The following SNX29 variants were observed in gnomAD, a reference collection of about 807,000 sequenced individuals.
The protein encoded by SNX29 is sorting nexin-29.
A neutral mutation model predicts 102.1 loss-of-function variants in SNX29; 78 were observed. The ratio of observed to expected loss-of-function variants is 0.76; its 90% CI spans 0.64 to 0.92. The LOEUF is 0.92. Ranked by LOEUF, SNX29 falls within the 40% of genes least tolerant of loss-of-function variation. SNX29 has a pLI of 0.00. For missense variants in SNX29, 1,280 were observed against 1,061.7 expected (o/e 1.21, Z -2.86); for synonymous variants, 580 against 414.5 (o/e 1.40, Z -4.85).
chr16:12,569,998 G>A lies in SNX29; in HGVS notation c.*1369G>A, dbSNP rs983286613. ...TGTCCTGGAACTGCTTCAACTCAGT[G>A]GCTTAAAATGAGAACTGCCCAGGTG... On this transcript the variant is annotated 3_prime_UTR_variant, in exon 21 of 21. Coordinates refer to ENST00000566228, the MANE Select transcript of SNX29 (RefSeq NM_032167.5). The A allele has an allele frequency of 3.4e-5, 9 of 267,160 alleles. No individual in the cohort carries two copies. The highest frequency in any genetic ancestry group is 1.8e-4 in the East Asian group (3 of 16,650). 16.5% of individuals were successfully genotyped at this position (267,160 alleles called of 1,614,324 possible).
At chr16:12,121,934 A>G (rs350203) in intron 11 of SNX29, among the ~76,000 whole-genome samples, 102,952 of 151,696 alleles carry the variant, frequency 0.68, 35,920 homozygotes, top group East Asian at 0.91. Flanking sequence ...TCCTGCCTCA[A>G]CCTCCCGAGT....
chr16:12,466,675 C>T (rs901766339), intron 18 of SNX29, among the ~76,000 whole-genome samples: 1 of 152,164 alleles, frequency 6.6e-6, no homozygotes, highest in African/African-American at 2.4e-5. Flanking sequence ...CAGCCATGAA[C>T]CAAAGCATGG....
At position 12,537,772 on chromosome 16, in the gene SNX29, CAAA is replaced by C. The variant is rs201910902; in HGVS notation, c.2318+12937_2318+12939del. ...CTATCCTATGTGGGGTTTGTTTAAA[CAAA>C]AAAAAGTAATAAAATATCTCCTATA... is the stretch of plus-strand genomic sequence containing the variant. On this transcript the variant is annotated intron_variant, in intron 20 of 20. Coordinates refer to ENST00000566228, the MANE Select transcript of SNX29 (RefSeq NM_032167.5). 1.8e-4 allele frequency among the ~76,000 whole-genome samples: 27 copies of C among 151,380 alleles called. No individual in the cohort carries two copies. The South Asian group carries it at 2.1e-3, about 12-fold the overall frequency.
intron 14 of SNX29, among the ~76,000 whole-genome samples, chr16:12,246,864 T>C (rs924444552): frequency 6.6e-6 from 1 of 152,142 alleles, no homozygotes; most frequent in Non-Finnish European, 1.5e-5. Context: ...GAAGACATGT[T>C]GGAACTCAGG....
At chr16:12,334,319 C>G (rs1248519798) in intron 15 of SNX29, among the ~76,000 whole-genome samples, 2 of 152,152 alleles carry the variant, frequency 1.3e-5, no homozygotes, top group African/African-American at 4.8e-5. Flanking sequence ...GGTAGAGAAA[C>G]ATGAGAGACT....
At chr16:12,531,139 G>T (rs182939397) in intron 20 of SNX29, among the ~76,000 whole-genome samples, 2 of 152,318 alleles carry the variant, frequency 1.3e-5, no homozygotes, top group East Asian at 3.9e-4. Context: ...AATTTGATAT[G>T]CAGGGTTTGA....
intron 13 of SNX29, among the ~76,000 whole-genome samples, chr16:12,136,985 C>G (rs1432946900): frequency 1.3e-5 from 2 of 152,188 alleles, no homozygotes; most frequent in East Asian, 3.8e-4. Context: ...AATGATCCAC[C>G]TGCTTCAGCC....
At chr16:12,227,584 T>C (rs1171723141) in intron 14 of SNX29, among the ~76,000 whole-genome samples, 1 of 152,126 alleles carries the variant, frequency 6.6e-6, no homozygotes, top group Non-Finnish European at 1.5e-5. Context: ...AAGTAAGTTC[T>C]CTAGATTCTT....
intron 14 of SNX29, among the ~76,000 whole-genome samples, chr16:12,246,690 C>T (rs1307728922): frequency 6.6e-6 from 1 of 152,126 alleles, no homozygotes; most frequent in Non-Finnish European, 1.5e-5. Flanking sequence ...GGTTGACTCC[C>T]TGAGTCAAAG....
intron 1 of SNX29, among the ~76,000 whole-genome samples, chr16:11,983,138 G>A (rs1035353224): frequency 6.6e-6 from 1 of 151,608 alleles, no homozygotes; most frequent in Admixed American, 6.6e-5. Context: ...GCCATGTTGT[G>A]CAGGCTGATC....
intron 14 of SNX29, among the ~76,000 whole-genome samples, chr16:12,265,460 G>T (rs2078899225): frequency 6.6e-6 from 1 of 152,100 alleles, no homozygotes; most frequent in Admixed American, 6.6e-5. Flanking sequence ...CTTCGAAACA[G>T]GTGAGCAGAT....
At chr16:12,429,633 C>T (rs1463048428) in intron 18 of SNX29, among the ~76,000 whole-genome samples, 2 of 152,226 alleles carry the variant, frequency 1.3e-5, no homozygotes, top group African/African-American at 2.4e-5. Context: ...ACACCAAAAC[C>T]ATCTCTTGCG....
intron 13 of SNX29, among the ~76,000 whole-genome samples, chr16:12,174,482 G>C (rs1450223913): frequency 2.0e-5 from 3 of 152,158 alleles, no homozygotes; most frequent in Admixed American, 1.3e-4. Flanking sequence ...CTGCCCATTT[G>C]AGCTCTGGGC....
Position 12,551,354 on chromosome 16 carries a change from C to CTAG in SNX29, c.2319-17150_2319-17148dup, listed in dbSNP as rs2077965203. 6.6e-5 allele frequency among the ~76,000 whole-genome samples: 10 copies of CTAG among 152,308 alleles called. No individual in the cohort carries two copies. The South Asian group carries it at 2.1e-3, about 32-fold the overall frequency. Reference sequence around the variant, plus strand: ...ATATGTGGAATCATTCTTTTGGGGGCTAGTCTTTCCATTTGCAGAACTTCC... The same window carrying CTAG: ...ATATGTGGAATCATTCTTTTGGGGGCTAGTAGTCTTTCCATTTGCAGAACTTCC... On this transcript the variant is annotated intron_variant, in intron 20 of 20. Coordinates refer to ENST00000566228, the MANE Select transcript of SNX29 (RefSeq NM_032167.5).
At chr16:12,363,009 G>A (rs1049398420) in intron 16 of SNX29, among the ~76,000 whole-genome samples, 8 of 152,084 alleles carry the variant, frequency 5.3e-5, no homozygotes, top group African/African-American at 1.9e-4. Flanking sequence ...TGCTCCCTCT[G>A]CCCAAGTCTG....
intron 1 of SNX29, among the ~76,000 whole-genome samples, chr16:11,979,130 CAG>C (rs1219505161): frequency 6.7e-6 from 1 of 149,952 alleles, no homozygotes; most frequent in Non-Finnish European, 1.5e-5. Flanking sequence ...CAAAAACTAA[CAG>C]GGCATAGTGG....
At chr16:12,548,930 C>CTATG (rs1284091549) in intron 20 of SNX29, among the ~76,000 whole-genome samples, 1 of 152,216 alleles carries the variant, frequency 6.6e-6, no homozygotes, top group Admixed American at 6.5e-5. Context: ...TCAGTACCTG[C>CTATG]TATGGCCTGG....
chr16:12,514,605 C>T (rs940542221), intron 19 of SNX29, among the ~76,000 whole-genome samples: 2 of 152,072 alleles, frequency 1.3e-5, no homozygotes, highest in African/African-American at 4.8e-5. Flanking sequence ...TGGCTCATGC[C>T]TGTGATCCCA....
chr16:12,217,272 G>C (rs1354299699), intron 14 of SNX29, among the ~76,000 whole-genome samples: 1 of 152,166 alleles, frequency 6.6e-6, no homozygotes, highest in African/African-American at 2.4e-5. Context: ...CTCCTGCCTT[G>C]GCCTCCCAAA....
Sources: gnomAD v4.1 joint callset for allele counts (sites outside exome capture counted in the v4.1 genomes callset) on GRCh38, gnomAD v4.1.1 for gene constraint, MANE v1.5 for transcripts, NCBI Gene and HGNC (gene_info 2026-07-23, HGNC 2026-07-21) for gene names.